Variants in TRIM6 observed in about 807,000 individuals in gnomAD.
TRIM6 encodes the protein tripartite motif-containing protein 6.
Under a neutral mutation model 51.2 loss-of-function variants are expected in TRIM6, and 43 were observed. The observed-to-expected ratio is 0.84, with a 90% CI of 0.66 to 1.08. The LOEUF (loss-of-function observed/expected upper bound fraction) is 1.08. Among genes scored for constraint, TRIM6 ranks in the 50% least tolerant of loss-of-function variants. The pLI is 0.00. For missense variants in TRIM6, 669 were observed against 619.0 expected, an observed-to-expected ratio of 1.08 and a Z score of -0.86; for synonymous variants, 215 against 232.4, an observed-to-expected ratio of 0.93 and a Z score of 0.68.
At chr11:5,603,038 T>C (rs896750391) in intron 1 of TRIM6, among the ~76,000 whole-genome samples, 1 of 152,062 alleles carries the variant, frequency 6.6e-6, no homozygotes, top group Non-Finnish European at 1.5e-5. Flanking sequence ...CTCTATTCAA[T>C]AGGAGCAAGA....
chr11:5,609,818 A>G (rs1304156647), intron 5 of TRIM6, among the ~76,000 whole-genome samples: 2 of 152,180 alleles, frequency 1.3e-5, no homozygotes, highest in East Asian at 1.9e-4. Flanking sequence ...AGCTACTCAG[A>G]AGGCTGAGGC....
rs1022372354 is a variant in TRIM6, at chr11:5,596,697, G to A, written c.-201G>A. 3 of 765,978 alleles carry A rather than the reference G, an allele frequency of 3.9e-6. No individual in the cohort carries two copies. Among genetic ancestry groups the A allele is most frequent in the Non-Finnish European group, 4.2e-6 (2 of 479,804 alleles). 47.4% of individuals were successfully genotyped at this position (765,978 alleles called of 1,614,324 possible). The stretch of plus-strand genomic sequence containing the variant: ...TGACCTGTGGGTCCGTCCGTTCAAC[G>A]GCCAAAGGCTGGCGGAGGAGGGATC... On this transcript the variant is annotated 5_prime_UTR_variant, in exon 1 of 8. Transcript: ENST00000380097.
intron 1 of TRIM6, 144 bp downstream of exon 1, chr11:5,597,058 G>A: frequency 8.3e-7 from 1 of 1,199,544 alleles, no homozygotes; most frequent in Non-Finnish European, 1.2e-6. Flanking sequence ...ACCCCACTGA[G>A]GTTAGAGACA....
At chr11:5,596,501 C>A (rs1229203489), upstream of TRIM6, among the ~76,000 whole-genome samples, 1 of 120,750 alleles carries the variant, frequency 8.3e-6, no homozygotes. Flanking sequence ...ATCCCTTCCC[C>A]CCTTCCCCCG....
chr11:5,610,157 G>A lies in TRIM6; in HGVS notation c.870G>A (p.Trp290Ter). The A allele has an allele frequency of 1.2e-6, 2 of 1,614,112 alleles. No individual in the cohort carries two copies. The highest frequency in any genetic ancestry group is 1.7e-6 in the Non-Finnish European group (2 of 1,180,004). ...CTGTCCTTTCTAGGAGTGAGTTCTG[G>A]ACCCTGAGGAAGCCAGAAGCTCTCC... ...VSDVTERSEF[W>*]TLRKPEALPT... The change falls in exon 6 of 8, where the codon TGG becomes TGA. Residue 290 changes from tryptophan to a stop codon, truncating the protein, a stop_gained. Coordinates refer to ENST00000380097, the MANE Select transcript of TRIM6 (RefSeq NM_001003818.3). LOFTEE classifies it high-confidence loss of function.
intron 2 of TRIM6, among the ~76,000 whole-genome samples, chr11:5,604,167 T>TGTGTGTGTGC (rs149960503): frequency 2.0e-5 from 3 of 147,376 alleles, no homozygotes; most frequent in African/African-American, 7.3e-5. Context: ...GCTAATTGTG[T>TGTGTGTGTGC]GTGTGTGTGC....
intron 1 of TRIM6, among the ~76,000 whole-genome samples, chr11:5,602,237 G>A (rs10769114): frequency 0.95 from 143,865 of 152,178 alleles, 68,250 homozygotes; most frequent in East Asian, 1. Flanking sequence ...TCAGGAGATC[G>A]AGACCATCCT....
chr11:5,597,738 T>C (rs79965857), intron 1 of TRIM6, among the ~76,000 whole-genome samples: 80 of 152,286 alleles, frequency 5.3e-4, no homozygotes, highest in African/African-American at 1.9e-3. Context: ...CTGAAAGCCA[T>C]TTTGATATCG....
chr11:5,603,128 T>C, intron 1 of TRIM6, 118 bp from the exon 2 acceptor site: 1 of 1,484,820 alleles, frequency 6.7e-7, no homozygotes, highest in Admixed American at 2.4e-5. Context: ...GATATGAGAA[T>C]GAGAAGCCCT....
At position 5,603,551 on chromosome 11, in the gene TRIM6, G is replaced by C. The variant is rs141427523; in HGVS notation, c.323G>C (p.Arg108Pro). The C allele has an allele frequency of 6.8e-6, 11 of 1,613,900 alleles. No homozygotes were observed. Among genetic ancestry groups the C allele is most frequent in the Non-Finnish European group, 9.3e-6 (11 of 1,180,028 alleles). The part of the protein sequence containing the change: ...PNRHLANIVR[R>P]LREVVLGPGK... ...CGGCATCTGGCCAACATAGTGAGGC[G>C]GCTCAGAGAGGTAGTGTTGGGCCCT... Residue 108 changes from arginine (R) to proline (P), a missense_variant, in exon 2 of 8, where the codon CGG becomes CCG. Transcript: ENST00000380097.
Position 5,603,383 on chromosome 11 carries a change from A to G in TRIM6, c.155A>G (p.Glu52Gly). 1 of 1,614,060 alleles carries G rather than the reference A, an allele frequency of 6.2e-7. No individual in the cohort carries two copies. Among genetic ancestry groups the G allele is most frequent in the Non-Finnish European group, 8.5e-7 (1 of 1,180,014 alleles). Residue 52 changes from glutamate (E) to glycine (G), a missense_variant, in exon 2 of 8, where the codon GAA becomes GGA. By Grantham distance (98) the Glu-to-Gly change is moderately conservative. Transcript: ENST00000380097. Reference protein sequence around the residue: ...TCPICLELLTEPLSIDCGHSF... With the variant: ...TCPICLELLTGPLSIDCGHSF... ...CCTATCTGCCTGGAGCTCCTAACAG[A>G]ACCCCTGAGCATAGACTGTGGCCAC...
chr11:5,611,525 C>T lies in TRIM6; in HGVS notation c.*183C>T. The stretch of plus-strand genomic sequence containing the variant: ...CTGGAGTGCACTGGCGCAATCTCGG[C>T]TCACTGCAACCTCTGCCTCCTGGGT... On this transcript the variant is annotated 3_prime_UTR_variant, in exon 8 of 8. Coordinates refer to ENST00000380097, the MANE Select transcript of TRIM6 (RefSeq NM_001003818.3). 1 of 578,928 alleles carries T rather than the reference C, an allele frequency of 1.7e-6. No individual in the cohort carries two copies. The highest frequency in any genetic ancestry group is 3.0e-6 in the Non-Finnish European group (1 of 332,398). 35.9% of individuals were successfully genotyped at this position (578,928 alleles called of 1,614,324 possible). A position where few individuals can be genotyped will look rare whatever the true frequency, so the allele number is the denominator to read the frequency against.
At chr11:5,596,344 A>G (rs1370495256), upstream of TRIM6, among the ~76,000 whole-genome samples, 1 of 152,068 alleles carries the variant, frequency 6.6e-6, no homozygotes, top group African/African-American at 2.4e-5. Flanking sequence ...GGGAGCACAG[A>G]AGAGGCACCT....
In TRIM6 at chr11:5,603,718, G is replaced by T. The variant is rs1052463996; in HGVS notation, c.490G>T (p.Val164Phe). ...RGHHTFLVEE[V>F]AQEYQEKFQE... ...TCACCACACGTTCCTCGTGGAGGAG[G>T]TTGCCCAGGAGTACCAGGTGAGACC... Residue 164 changes from valine (V) to phenylalanine (F), a missense_variant, in exon 2 of 8, where the codon GTT becomes TTT. Coordinates refer to ENST00000380097, the MANE Select transcript of TRIM6 (RefSeq NM_001003818.3). 6.2e-7 allele frequency: 1 copy of T among 1,613,488 alleles called. No individual in the cohort carries two copies. The highest frequency in any genetic ancestry group is 1.1e-5 in the South Asian group (1 of 90,952).
Position 5,611,124 on chromosome 11 carries a change from G to A in TRIM6, c.1333G>A (p.Asp445Asn), listed in dbSNP as rs777539132. The A allele has an allele frequency of 1.2e-5, 20 of 1,614,164 alleles. No individual in the cohort carries two copies. Among genetic ancestry groups the A allele is most frequent in the Non-Finnish European group, 1.7e-5 (20 of 1,180,030 alleles). ...QHNHEYRAYE[D>N]SSPSLLLSMT... is the part of the protein sequence containing the mutation. ...TAACCATGAATATAGGGCCTATGAG[G>A]ATTCTTCCCCTTCCCTGCTTCTCTC... Residue 445 changes from aspartate to asparagine, a missense_variant, in exon 8 of 8, where the codon GAT becomes AAT. Transcript: ENST00000380097.
chr11:5,597,187 T>C (rs7927012), intron 1 of TRIM6, among the ~76,000 whole-genome samples: 76,072 of 151,692 alleles, frequency 0.5, 19,480 homozygotes, highest in Middle Eastern at 0.71. Context: ...CCGAAGACTG[T>C]TAACTTGACT....
intron 1 of TRIM6, among the ~76,000 whole-genome samples, chr11:5,597,434 T>G (rs1258741335): frequency 6.6e-6 from 1 of 152,222 alleles, no homozygotes; most frequent in East Asian, 1.9e-4. Context: ...AAGTGGAAAT[T>G]AAATTTTTTG....
Position 5,611,298 on chromosome 11 carries a change from T to C in TRIM6, c.1507T>C (p.Cys503Arg), listed in dbSNP as rs1453627078. 1 of 1,614,156 alleles carries C rather than the reference T, an allele frequency of 6.2e-7. No individual in the cohort carries two copies. Among genetic ancestry groups the C allele is most frequent in the Admixed American group, 1.7e-5 (1 of 60,024 alleles). Residue 503 changes from cysteine (C) to arginine (R), a missense_variant, in exon 8 of 8, where the codon TGC becomes CGC. Transcript: ENST00000380097. The stretch of plus-strand genomic sequence containing the variant: ...TACTCTTTGTCCATATTTTAATCCT[T>C]GCAACTGTGTAATTCCTATGACCCT... The part of the protein sequence containing the change: ...PTTLCPYFNP[C>R]NCVIPMTLRR...
At chr11:5,598,256 C>G (rs1484264768) in intron 1 of TRIM6, among the ~76,000 whole-genome samples, 1 of 152,170 alleles carries the variant, frequency 6.6e-6, no homozygotes, top group Non-Finnish European at 1.5e-5. Context: ...GCAGTCAGGG[C>G]TTGCTGGTGT....
Sources: gnomAD v4.1 joint callset for allele counts (sites outside exome capture counted in the v4.1 genomes callset) on GRCh38, gnomAD v4.1.1 for gene constraint, MANE v1.5 for transcripts, NCBI Gene and HGNC (gene_info 2026-07-23, HGNC 2026-07-21) for gene names.